The following CSRNP3 variants were observed in gnomAD, a reference collection of about 807,000 sequenced individuals.
CSRNP3 encodes cysteine/serine-rich nuclear protein 3.
A neutral mutation model predicts 48.0 loss-of-function variants in CSRNP3; 12 were observed. The observed-to-expected ratio is 0.25, with a 90% CI of 0.16 to 0.41. CSRNP3 has a LOEUF of 0.41. Among genes scored for constraint, CSRNP3 ranks in the 10% least tolerant of loss-of-function variants. The pLI is 1.00. For missense variants in CSRNP3, 580 were observed against 724.4 expected (o/e 0.80, Z 2.29); for synonymous variants, 263 against 269.7 (o/e 0.98, Z 0.24).
chr2:165,638,602 G>T (rs988247446), intron 4 of CSRNP3, among the ~76,000 whole-genome samples: 4 of 152,126 alleles, frequency 2.6e-5, no homozygotes, highest in African/African-American at 9.7e-5. Flanking sequence ...CCAACAAGTA[G>T]TATAGAAAAG....
intron 3 of CSRNP3, among the ~76,000 whole-genome samples, chr2:165,538,659 T>C (rs1684913543): frequency 1.3e-5 from 2 of 152,104 alleles, no homozygotes; most frequent in East Asian, 3.9e-4. Flanking sequence ...TCTCCCATTT[T>C]TTTCATAGTC....
At chr2:165,558,651 A>C (rs1233354266) in intron 3 of CSRNP3, among the ~76,000 whole-genome samples, 1 of 152,198 alleles carries the variant, frequency 6.6e-6, no homozygotes, top group African/African-American at 2.4e-5. Context: ...CTGATTAGCC[A>C]AATCACCAGA....
chr2:165,520,812 T>TATATATAC (rs1684648910), intron 3 of CSRNP3, among the ~76,000 whole-genome samples: 2 of 64,948 alleles, frequency 3.1e-5, no homozygotes, highest in African/African-American at 1.3e-4. Context: ...TATATATATA[T>TATATATAC]ATATATATAT....
intron 4 of CSRNP3, among the ~76,000 whole-genome samples, chr2:165,632,965 C>T (rs1475445591): frequency 6.6e-6 from 1 of 152,172 alleles, no homozygotes; most frequent in Non-Finnish European, 1.5e-5. Context: ...TATTATCTTC[C>T]TTACCTTCTT....
Position 165,681,598 on chromosome 2 carries a change from A to T in CSRNP3, c.*1845A>T, listed in dbSNP as rs936176866. Reference sequence around the variant, plus strand: ...CATTGGGCCAAATTTATAACTCTTAATATTAACATTAAAAGAGCTTTGGGT... The same window carrying T: ...CATTGGGCCAAATTTATAACTCTTATTATTAACATTAAAAGAGCTTTGGGT... On this transcript the variant is annotated 3_prime_UTR_variant, in exon 7 of 7. Transcript: ENST00000651982. 4.0e-5 allele frequency: 6 copies of T among 151,016 alleles called. No homozygotes were observed. The highest frequency in any genetic ancestry group is 7.4e-5 in the Non-Finnish European group (5 of 67,786). 9.4% of individuals were successfully genotyped at this position (151,016 alleles called of 1,614,324 possible).
intron 3 of CSRNP3, among the ~76,000 whole-genome samples, chr2:165,586,428 A>C (rs1685633884): frequency 6.6e-6 from 1 of 152,252 alleles, no homozygotes; most frequent in South Asian, 2.1e-4. Context: ...AACAAAAAAC[A>C]ACAAAAAAGT....
intron 3 of CSRNP3, among the ~76,000 whole-genome samples, chr2:165,570,863 CA>C (rs1685363532): frequency 6.6e-6 from 1 of 151,708 alleles, no homozygotes; most frequent in African/African-American, 2.4e-5. Context: ...AAAAACCCAT[CA>C]AAAGGTATTT....
intron 2 of CSRNP3, among the ~76,000 whole-genome samples, chr2:165,512,252 G>A (rs17249048): frequency 0.017 from 2,637 of 152,184 alleles, 30 homozygotes; most frequent in Middle Eastern, 0.031. Flanking sequence ...GTCTAGTCTA[G>A]TTTGTACCTC....
intron 4 of CSRNP3, among the ~76,000 whole-genome samples, chr2:165,636,537 A>T (rs1686630772): frequency 6.6e-6 from 1 of 152,174 alleles, no homozygotes; most frequent in African/African-American, 2.4e-5. Context: ...AACCCATAGC[A>T]TCAACATTCA....
chr2:165,473,087 A>G (rs2105443245), intron 1 of CSRNP3, among the ~76,000 whole-genome samples: 1 of 152,186 alleles, frequency 6.6e-6, no homozygotes, highest in Non-Finnish European at 1.5e-5. Flanking sequence ...TTAAGGCACA[A>G]CCAAAATTAT....
intron 2 of CSRNP3, among the ~76,000 whole-genome samples, 186 bp from the exon 3 acceptor site, chr2:165,517,687 A>C (rs1240222355): frequency 6.6e-6 from 1 of 151,958 alleles, no homozygotes; most frequent in Non-Finnish European, 1.5e-5. Context: ...CATTGTTCTA[A>C]GAAAAAATTT....
intron 4 of CSRNP3, among the ~76,000 whole-genome samples, chr2:165,648,074 G>A (rs1172412654): frequency 6.6e-6 from 1 of 152,054 alleles, no homozygotes; most frequent in East Asian, 1.9e-4. Flanking sequence ...ATATTGCATT[G>A]TGTTTCCAAT....
intron 4 of CSRNP3, among the ~76,000 whole-genome samples, chr2:165,601,446 G>A (rs1284151336): frequency 2.0e-5 from 3 of 152,184 alleles, no homozygotes; most frequent in Admixed American, 6.5e-5. Context: ...GCACATGAAT[G>A]CAAGCAGTGG....
At chr2:165,596,153 T>C (rs1209730696) in intron 4 of CSRNP3, among the ~76,000 whole-genome samples, 4 of 150,760 alleles carry the variant, frequency 2.7e-5, no homozygotes, top group Admixed American at 2.0e-4. Context: ...TTTTTTTTTT[T>C]TTGCCACATT....
In CSRNP3 at chr2:165,477,497, T is replaced by TATAA. The variant is rs1186588607; in HGVS notation, c.-283+7758_-283+7759insTAAA. On this transcript the variant is annotated intron_variant, in intron 1 of 6. Transcript: ENST00000651982. Reference sequence around the variant, plus strand: ...TATATATATGAAATATATATATATATAATACAAATATATATATATATATTA... The same window carrying TATAA: ...TATATATATGAAATATATATATATATATAAAATACAAATATATATATATATATTA... Among the ~76,000 whole-genome samples, 274 of 119,700 alleles carry TATAA rather than the reference T, an allele frequency of 2.3e-3. 7 individuals carry two copies. In the East Asian group the frequency reaches 0.043, roughly 19 times the overall value. The allele number at this position is 119,700 out of a possible 152,430, so 78.5% of individuals were successfully genotyped here. A position where few individuals can be genotyped will look rare whatever the true frequency, so the allele number is the denominator to read the frequency against.
chr2:165,578,943 C>T (rs1346041391), intron 3 of CSRNP3, among the ~76,000 whole-genome samples: 1 of 152,062 alleles, frequency 6.6e-6, no homozygotes, highest in Non-Finnish European at 1.5e-5. Context: ...GCCTCATCTT[C>T]TTCATTGGGA....
At chr2:165,560,872 C>G (rs538818286) in intron 3 of CSRNP3, among the ~76,000 whole-genome samples, 1 of 152,122 alleles carries the variant, frequency 6.6e-6, no homozygotes, top group Non-Finnish European at 1.5e-5. Flanking sequence ...TGTCTTTAAT[C>G]GCTTTAAACT....
At chr2:165,577,542 A>G (rs865921045) in intron 3 of CSRNP3, among the ~76,000 whole-genome samples, 3 of 152,016 alleles carry the variant, frequency 2.0e-5, no homozygotes, top group Middle Eastern at 3.4e-3. Context: ...TGCCTTATAG[A>G]GCAAGGTGAA....
In CSRNP3 at chr2:165,679,083, G is replaced by C; in HGVS notation, c.1088G>C (p.Ser363Thr). 2 of 1,613,730 alleles carry C rather than the reference G, an allele frequency of 1.2e-6. No individual in the cohort carries two copies. The highest frequency in any genetic ancestry group is 1.1e-5 in the South Asian group (1 of 91,052). ...CSGVTDSSTQ[S>T]LAPSESDEEE... is the part of the protein sequence containing the mutation. ...GGAGTCACAGATTCTAGCACGCAAA[G>C]CTTGGCACCTAGTGAGTCAGACGAG... Residue 363 changes from serine to threonine, a missense_variant, in exon 7 of 7, where the codon AGC becomes ACC. Around this residue, in one of 4 missense-constraint regions of CSRNP3, gnomAD observed 369 missense variants for 380.8 expected, o/e 0.97. Transcript: ENST00000651982.
Sources: allele counts gnomAD v4.1 joint callset (sites outside exome capture counted in the v4.1 genomes callset), GRCh38; gene constraint gnomAD v4.1.1; regional missense constraint gnomAD v4.1.1; transcripts MANE v1.5; gene names NCBI Gene and HGNC (gene_info 2026-07-23, HGNC 2026-07-21).